Variants in SBF2 observed in about 807,000 individuals in gnomAD.
SBF2 encodes the protein SET binding factor 2.
Under a neutral mutation model 225.2 loss-of-function variants are expected in SBF2, and 112 were observed. The ratio of observed to expected loss-of-function variants is 0.50; its 90% CI spans 0.43 to 0.58. The LOEUF is 0.58. SBF2 is among the 20% of genes least tolerant of loss of function. The probability of loss-of-function intolerance (pLI) is 0.00; values close to 1 mark genes in which losing one functional copy is unlikely to be tolerated. For missense variants in SBF2, 1,996 were observed against 2,206.2 expected (o/e 0.90, Z 1.91); for synonymous variants, 763 against 773.3 (o/e 0.99, Z 0.22).
chr11:10,243,586 A>C (rs1959453071), intron 1 of SBF2, among the ~76,000 whole-genome samples: 1 of 152,024 alleles, frequency 6.6e-6, no homozygotes, highest in Admixed American at 6.6e-5. Context: ...GAAAAAAAAC[A>C]AAAGAAGACT....
chr11:10,160,779 G>C (rs1329308427), intron 2 of SBF2, among the ~76,000 whole-genome samples: 2 of 152,046 alleles, frequency 1.3e-5, no homozygotes, highest in African/African-American at 4.8e-5. Context: ...TTTCATATCT[G>C]TACCTCTGCA....
At chr11:9,881,193 C>T (rs937937573) in intron 17 of SBF2, among the ~76,000 whole-genome samples, 1 of 152,096 alleles carries the variant, frequency 6.6e-6, no homozygotes. Flanking sequence ...TTTAAATGAA[C>T]CGAATGAGTG....
chr11:10,236,677 T>C (rs1959091472), intron 1 of SBF2, among the ~76,000 whole-genome samples: 1 of 152,192 alleles, frequency 6.6e-6, no homozygotes, highest in African/African-American at 2.4e-5. Flanking sequence ...TTGGCCAGGA[T>C]GGTCTCGAGC....
At chr11:9,783,239 C>T (rs560038753) in intron 38 of SBF2, 10 of 152,292 alleles carry the variant, frequency 6.6e-5, no homozygotes, top group African/African-American at 2.4e-4. Context: ...AGCTCCCTAA[C>T]AGGGCTTCCA....
chr11:9,843,289 T>G (rs1470452957), intron 24 of SBF2, among the ~76,000 whole-genome samples: 1 of 152,266 alleles, frequency 6.6e-6, no homozygotes, highest in Non-Finnish European at 1.5e-5. Flanking sequence ...TGTGTATATG[T>G]GATGTCCTGA....
chr11:10,200,308 A>G lies in SBF2; in HGVS notation c.56-6321T>C, dbSNP rs1957525667. Among the ~76,000 whole-genome samples, 2 of 152,214 alleles carry G rather than the reference A, an allele frequency of 1.3e-5. 1 individual carries two copies. The highest frequency in any genetic ancestry group is 4.1e-4 in the South Asian group (2 of 4,832). ...GAATTTAAGTTAATGTGCATGTAAA[A>G]TATATACCAGTATGAGTAGGTGCAT... On this transcript the variant is annotated intron_variant, in intron 1 of 39. Coordinates refer to ENST00000256190, the MANE Select transcript of SBF2 (RefSeq NM_030962.4).
intron 17 of SBF2, among the ~76,000 whole-genome samples, chr11:9,888,345 A>T (rs1459936095): frequency 1.3e-5 from 2 of 151,904 alleles, no homozygotes; most frequent in South Asian, 4.2e-4. Flanking sequence ...AAAGAAAAAA[A>T]TTTTTTTAAA....
At chr11:9,896,383 C>G (rs1053450508) in intron 16 of SBF2, among the ~76,000 whole-genome samples, 1 of 152,130 alleles carries the variant, frequency 6.6e-6, no homozygotes, top group Non-Finnish European at 1.5e-5. Context: ...TATTCAGCAA[C>G]TGTATTCCAT....
chr11:9,991,933 C>T (rs886807011), intron 12 of SBF2, among the ~76,000 whole-genome samples: 3 of 152,050 alleles, frequency 2.0e-5, no homozygotes, highest in Non-Finnish European at 4.4e-5. Context: ...TCAAATTAGA[C>T]CTTTCTCCCT....
At chr11:10,070,964 C>G (rs1448049218) in intron 2 of SBF2, among the ~76,000 whole-genome samples, 1 of 152,076 alleles carries the variant, frequency 6.6e-6, no homozygotes, top group African/African-American at 2.4e-5. Context: ...CTCTGTTTGT[C>G]TGTTATTGGT....
At chr11:10,028,664 T>C in intron 5 of SBF2, 107 bp from the exon 6 acceptor site, 4 of 782,960 alleles carry the variant, frequency 5.1e-6, no homozygotes, top group Non-Finnish European at 4.5e-6. Flanking sequence ...CCATGTAAGA[T>C]CCAATTAACA....
At chr11:10,228,455 G>T (rs984967278) in intron 1 of SBF2, among the ~76,000 whole-genome samples, 53 of 152,268 alleles carry the variant, frequency 3.5e-4, no homozygotes, top group Non-Finnish European at 4.9e-4. Context: ...ATTGGCTGTA[G>T]GTTTGTCATA....
intron 16 of SBF2, among the ~76,000 whole-genome samples, chr11:9,947,866 A>G (rs1033452270): frequency 6.6e-6 from 1 of 152,244 alleles, no homozygotes; most frequent in Non-Finnish European, 1.5e-5. Flanking sequence ...ACTACGCAAG[A>G]CAGTATAACA....
chr11:10,110,817 G>A (rs1426845468), intron 2 of SBF2, among the ~76,000 whole-genome samples: 2 of 152,022 alleles, frequency 1.3e-5, no homozygotes, highest in African/African-American at 2.4e-5. Flanking sequence ...AGGAAAATGG[G>A]TGATCTAGTT....
At chr11:9,849,048 T>C (rs1191065990) in intron 22 of SBF2, among the ~76,000 whole-genome samples, 1 of 152,228 alleles carries the variant, frequency 6.6e-6, no homozygotes, top group Admixed American at 6.5e-5. Flanking sequence ...GGCACTTTCG[T>C]GACCATTTAG....
chr11:10,013,107 G>C (rs1291733702), intron 6 of SBF2, among the ~76,000 whole-genome samples: 1 of 152,162 alleles, frequency 6.6e-6, no homozygotes, highest in Non-Finnish European at 1.5e-5. Context: ...GGCATGTATA[G>C]AGACATTGTC....
At chr11:9,827,370 T>C (rs10840310) in intron 28 of SBF2, among the ~76,000 whole-genome samples, 45,443 of 151,760 alleles carry the variant, frequency 0.3, 7,814 homozygotes, top group African/African-American at 0.47. Flanking sequence ...CCAAAAAATA[T>C]TTTAAAAATT....
intron 1 of SBF2, among the ~76,000 whole-genome samples, chr11:10,200,884 A>C (rs932316263): frequency 6.6e-6 from 1 of 152,208 alleles, no homozygotes; most frequent in African/African-American, 2.4e-5. Context: ...TTCCCGAAAA[A>C]AAATTCATCA....
At chr11:9,988,656 T>A (rs1367234113) in intron 13 of SBF2, among the ~76,000 whole-genome samples, 1 of 152,134 alleles carries the variant, frequency 6.6e-6, no homozygotes, top group Non-Finnish European at 1.5e-5. Context: ...GAAAAAATGC[T>A]CAACATCACT....
Sources: allele counts gnomAD v4.1 joint callset (sites outside exome capture counted in the v4.1 genomes callset), GRCh38; gene constraint gnomAD v4.1.1; transcripts MANE v1.5; gene names NCBI Gene and HGNC (gene_info 2026-07-23, HGNC 2026-07-21).